The following KPNA7 variants were observed in gnomAD, a reference collection of about 807,000 sequenced individuals.
The protein encoded by KPNA7 is importin subunit alpha-8.
KPNA7 carries 54 observed loss-of-function variants against 53.7 expected under a neutral mutation model. That is an observed-to-expected ratio of 1.01 (90% CI 0.81 to 1.26). The LOEUF is 1.26. Ranked by LOEUF, KPNA7 falls within the 50% of genes most tolerant of loss-of-function variation. The pLI is 0.00. For synonymous variants in KPNA7, 276 were observed against 259.3 expected, an observed-to-expected ratio of 1.06 and a Z score of -0.62; for missense variants, 640 against 644.5, an observed-to-expected ratio of 0.99 and a Z score of 0.07.
intron 3 of KPNA7, 41 bp from the exon 4 acceptor site, chr7:99,196,207 A>G: frequency 7.0e-7 from 1 of 1,426,868 alleles, no homozygotes; most frequent in Non-Finnish European, 9.7e-7. Context: ...GTCTGCCAAA[A>G]TGAGCTGTAA....
chr7:99,148,689 T>C, the KPNA7 span, among the ~76,000 whole-genome samples: 1 of 152,190 alleles, frequency 6.6e-6, no homozygotes, highest in East Asian at 1.9e-4. Flanking sequence ...ACTCCTGGGC[T>C]CAAGCAATCC....
chr7:99,181,164 TCTCC>T lies in KPNA7; in HGVS notation c.1317+715_1317+718del, dbSNP rs561419987. ...GTCTCTCTCTCCGTCTGTGTCTCTC[TCTCC>T]GTCTGTGTCTCTCTCTCCGTCTGTG... On this transcript the variant is annotated intron_variant, in intron 9 of 10. Coordinates refer to ENST00000327442, the MANE Select transcript of KPNA7 (RefSeq NM_001145715.3). 5.5e-4 allele frequency among the ~76,000 whole-genome samples: 73 copies of T among 132,252 alleles called. 3 individuals carry two copies. Among genetic ancestry groups the T allele is most frequent in the South Asian group, 2.1e-3 (8 of 3,902 alleles). 86.8% of individuals were successfully genotyped at this position (132,252 alleles called of 152,430 possible). A position where few individuals can be genotyped will look rare whatever the true frequency, so the allele number is the denominator to read the frequency against.
At chr7:99,196,599 A>G (rs1342500288) in intron 3 of KPNA7, among the ~76,000 whole-genome samples, 2 of 152,196 alleles carry the variant, frequency 1.3e-5, no homozygotes, top group African/African-American at 4.8e-5. Flanking sequence ...TTATCCAAGA[A>G]AGACAGCTGA....
chr7:99,217,431 T>C (rs1419427257), intron 1 of KPNA7, among the ~76,000 whole-genome samples: 2 of 152,108 alleles, frequency 1.3e-5, no homozygotes, highest in African/African-American at 2.4e-5. Flanking sequence ...AGCGAGTCAA[T>C]GAGACTTATC....
the KPNA7 span, among the ~76,000 whole-genome samples, chr7:99,164,370 C>G: frequency 6.6e-6 from 1 of 151,906 alleles, no homozygotes; most frequent in South Asian, 2.1e-4. Flanking sequence ...CCATCATTCT[C>G]AGCAAACTAT....
intron 3 of KPNA7, among the ~76,000 whole-genome samples, chr7:99,201,082 TAAAAGCTCAACAC>T (rs748047027): frequency 8.5e-5 from 13 of 152,152 alleles, no homozygotes; most frequent in South Asian, 2.1e-4. Context: ...TTTGAAAACA[TAAAAGCTCAACAC>T]AAAAGCTCAC....
At chr7:99,183,508 A>G (rs1343800545) in intron 8 of KPNA7, among the ~76,000 whole-genome samples, 3 of 152,194 alleles carry the variant, frequency 2.0e-5, no homozygotes, top group African/African-American at 7.2e-5. Context: ...TCACTAGAAT[A>G]TGTACAGATT....
intron 5 of KPNA7, 87 bp from the exon 6 acceptor site, chr7:99,193,188 G>A (rs1019015585): frequency 2.6e-6 from 2 of 770,528 alleles, no homozygotes. Flanking sequence ...TGTGCAAAGG[G>A]CAAGAGACAA....
chr7:99,148,077 A>G, the KPNA7 span, among the ~76,000 whole-genome samples: 1 of 152,204 alleles, frequency 6.6e-6, no homozygotes, highest in Non-Finnish European at 1.5e-5. Context: ...CTTAAAAATC[A>G]TCAGACGCTA....
At position 99,185,091 on chromosome 7, in the gene KPNA7, C is replaced by T. The variant is rs372371638; in HGVS notation, c.972G>A (p.Ala324=). ...GCTGGGGGAGCACGTTCAGCATACC[C>T]GCATCAATGGCCATCTGCGTCTGCT... ...TDEQTQMAID[A]GMLNVLPQLL... Residue 324 remains alanine (A), a synonymous_variant, in exon 8 of 11, where the codon GCG becomes GCA. Transcript: ENST00000327442. 9.5e-5 allele frequency: 148 copies of T among 1,551,864 alleles called. No homozygotes were observed. Among genetic ancestry groups the T allele is most frequent in the Non-Finnish European group, 1.2e-4 (137 of 1,147,068 alleles).
At chr7:99,207,297 T>G (rs1360550141) in intron 2 of KPNA7, 104 bp downstream of exon 2, 2 of 882,852 alleles carry the variant, frequency 2.3e-6, no homozygotes, top group Non-Finnish European at 1.8e-6. Context: ...CCTCTCAAAG[T>G]GTTGGGATTA....
chr7:99,174,451 C>T (rs1375834558), intron 10 of KPNA7, among the ~76,000 whole-genome samples: 1 of 152,164 alleles, frequency 6.6e-6, no homozygotes, highest in African/African-American at 2.4e-5. Context: ...CATCCCCTCA[C>T]CCCCCAGCCT....
the KPNA7 span, among the ~76,000 whole-genome samples, chr7:99,167,185 T>C: frequency 6.6e-6 from 1 of 152,200 alleles, no homozygotes; most frequent in Non-Finnish European, 1.5e-5. Context: ...CTCCCACCTC[T>C]GTGCCCTGGC....
At chr7:99,212,338 G>C (rs143855321), upstream of KPNA7, among the ~76,000 whole-genome samples, 11 of 146,816 alleles carry the variant, frequency 7.5e-5, no homozygotes, top group East Asian at 1.8e-3. Context: ...TCCACCTCTC[G>C]GTTCAAGCAA....
intron 1 of KPNA7, among the ~76,000 whole-genome samples, chr7:99,218,651 C>G (rs747910561): frequency 3.3e-5 from 5 of 152,216 alleles, no homozygotes; most frequent in Admixed American, 6.5e-5. Context: ...CAAAGACGAC[C>G]TAGCACAGTG....
At chr7:99,167,362 C>T in the KPNA7 span, among the ~76,000 whole-genome samples, 3 of 152,304 alleles carry the variant, frequency 2.0e-5, no homozygotes, top group East Asian at 3.9e-4. Flanking sequence ...AGCAGGTGAG[C>T]GAAGCTGAGC....
rs561594192 is a variant in KPNA7, at chr7:99,192,407, G to A, written c.636+612C>T. Among the ~76,000 whole-genome samples the A allele has an allele frequency of 3.3e-4, 50 of 152,198 alleles. 1 individual carries two copies. In the South Asian group the frequency reaches 3.7e-3, roughly 11 times the overall value. On this transcript the variant is annotated intron_variant, in intron 6 of 10. Coordinates refer to ENST00000327442, the MANE Select transcript of KPNA7 (RefSeq NM_001145715.3). Reference sequence around the variant, plus strand: ...TACCTAAAATGATACTCAGTCCTAAGCCTTGCTATTATTAGTTTATTTAGA... The same window carrying A: ...TACCTAAAATGATACTCAGTCCTAAACCTTGCTATTATTAGTTTATTTAGA...
At chr7:99,188,972 G>A in intron 6 of KPNA7, among the ~76,000 whole-genome samples, 1 of 152,106 alleles carries the variant, frequency 6.6e-6, no homozygotes. Flanking sequence ...GTGAGCCATT[G>A]TGCCCGACTG....
intron 9 of KPNA7, among the ~76,000 whole-genome samples, chr7:99,180,208 G>A (rs1799106348): frequency 6.6e-6 from 1 of 152,148 alleles, no homozygotes; most frequent in Admixed American, 6.5e-5. Flanking sequence ...CTCCTCAGAA[G>A]CCAATCCTCT....
Sources: gnomAD v4.1 joint callset for allele counts (sites outside exome capture counted in the v4.1 genomes callset) on GRCh38, gnomAD v4.1.1 for gene constraint, MANE v1.5 for transcripts, NCBI Gene and HGNC (gene_info 2026-07-23, HGNC 2026-07-21) for gene names.